Variants in SH3GL2 observed in about 807,000 individuals in gnomAD.
SH3GL2 encodes endophilin-A1.
A neutral mutation model predicts 46.0 loss-of-function variants in SH3GL2; 24 were observed. The observed-to-expected ratio is 0.52, with a 90% CI of 0.38 to 0.73. SH3GL2 has a LOEUF of 0.73. SH3GL2 is among the 30% of genes least tolerant of loss of function. The pLI is 0.00. For missense variants in SH3GL2, 413 were observed against 424.2 expected, an observed-to-expected ratio of 0.97 and a Z score of 0.23; for synonymous variants, 196 against 147.1, an observed-to-expected ratio of 1.33 and a Z score of -2.40.
chr9:17,586,306 C>A (rs1444370288), intron 1 of SH3GL2, among the ~76,000 whole-genome samples: 1 of 152,116 alleles, frequency 6.6e-6, no homozygotes, highest in Admixed American at 6.5e-5. Context: ...CCCACAGCTC[C>A]ATGGAGGTTT....
Position 17,677,300 on chromosome 9 carries a change from T to G in SH3GL2, c.46-69766T>G, listed in dbSNP as rs371488887. Among the ~76,000 whole-genome samples, 29 of 152,330 alleles carry G rather than the reference T, an allele frequency of 1.9e-4. No individual in the cohort carries two copies. The South Asian group carries it at 5.8e-3, about 30-fold the overall frequency. On this transcript the variant is annotated intron_variant, in intron 1 of 8. Transcript: ENST00000380607. ...TATAATCTTGTTTGTGGCTTATCTT[T>G]GACTTTTATACATACTACATAGATT...
intron 6 of SH3GL2, among the ~76,000 whole-genome samples, chr9:17,790,767 AT>A (rs1321556655): frequency 6.6e-6 from 1 of 152,134 alleles, no homozygotes; most frequent in East Asian, 1.9e-4. Flanking sequence ...AGCACAGAAG[AT>A]TTTCTGTCAT....
At chr9:17,581,104 T>C (rs1309807591) in intron 1 of SH3GL2, among the ~76,000 whole-genome samples, 1 of 152,260 alleles carries the variant, frequency 6.6e-6, no homozygotes, top group Non-Finnish European at 1.5e-5. Flanking sequence ...ATTATAGTTA[T>C]TGACATAAAG....
At chr9:17,772,514 C>T (rs1823514133) in intron 3 of SH3GL2, among the ~76,000 whole-genome samples, 1 of 152,170 alleles carries the variant, frequency 6.6e-6, no homozygotes, top group African/African-American at 2.4e-5. Flanking sequence ...CCTACTTCAG[C>T]CGCTGGCTAC....
intron 1 of SH3GL2, among the ~76,000 whole-genome samples, chr9:17,648,692 A>G (rs916858922): frequency 6.6e-6 from 1 of 152,186 alleles, no homozygotes; most frequent in African/African-American, 2.4e-5. Flanking sequence ...GCTTCTTTCT[A>G]ATAGCTGCTT....
At chr9:17,753,975 G>A (rs1305428934) in intron 2 of SH3GL2, among the ~76,000 whole-genome samples, 2 of 152,196 alleles carry the variant, frequency 1.3e-5, no homozygotes, top group African/African-American at 4.8e-5. Context: ...ATTTGTCAAA[G>A]ACCAGATAAC....
chr9:17,587,358 G>A (rs563384669), intron 1 of SH3GL2, among the ~76,000 whole-genome samples: 1 of 152,290 alleles, frequency 6.6e-6, no homozygotes, highest in Non-Finnish European at 1.5e-5. Context: ...GCCAGTAGAG[G>A]AAGTTCCTTG....
intron 1 of SH3GL2, among the ~76,000 whole-genome samples, chr9:17,592,390 CAGTTA>C (rs919156567): frequency 8.5e-5 from 13 of 152,272 alleles, no homozygotes; most frequent in African/African-American, 3.1e-4. Flanking sequence ...TCCCTTAACC[CAGTTA>C]AGTTGACACA....
At chr9:17,724,481 G>A (rs1445582388) in intron 1 of SH3GL2, among the ~76,000 whole-genome samples, 6 of 152,000 alleles carry the variant, frequency 3.9e-5, no homozygotes, top group African/African-American at 1.2e-4. Flanking sequence ...TCCAACATCT[G>A]GGCCCTGAAA....
chr9:17,638,264 G>C (rs1159960696), intron 1 of SH3GL2, among the ~76,000 whole-genome samples: 1 of 152,042 alleles, frequency 6.6e-6, no homozygotes, highest in Non-Finnish European at 1.5e-5. Flanking sequence ...TTTCAAGTCA[G>C]TATCAAAAAA....
At chr9:17,632,017 G>T (rs1819437708) in intron 1 of SH3GL2, among the ~76,000 whole-genome samples, 1 of 152,042 alleles carries the variant, frequency 6.6e-6, no homozygotes, top group African/African-American at 2.4e-5. Flanking sequence ...GCTTTTCAGG[G>T]TTATTTCTGG....
chr9:17,595,888 T>C (rs1818560424), intron 1 of SH3GL2, among the ~76,000 whole-genome samples: 1 of 152,178 alleles, frequency 6.6e-6, no homozygotes, highest in South Asian at 2.1e-4. Context: ...TACAGTAAGA[T>C]TATTTTTTTA....
chr9:17,726,890 C>A (rs10756905), intron 1 of SH3GL2, among the ~76,000 whole-genome samples: 1 of 151,944 alleles, frequency 6.6e-6, no homozygotes, highest in Non-Finnish European at 1.5e-5. Flanking sequence ...GGGAGGAATG[C>A]AGCAGTAACA....
In SH3GL2 at chr9:17,665,442, A is replaced by T. The variant is rs1442460775; in HGVS notation, c.46-81624A>T. ...TGTTTTTGATGAGTACAGGCAAATT[A>T]TTTTGTAGAATGTGTCTTAACAGAT... On this transcript the variant is annotated intron_variant, in intron 1 of 8. Transcript: ENST00000380607. Among the ~76,000 whole-genome samples the T allele has an allele frequency of 2.6e-5, 4 of 152,078 alleles. No homozygotes were observed. In the East Asian group the frequency reaches 7.7e-4, roughly 29 times the overall value.
At chr9:17,665,111 A>C (rs1820311391) in intron 1 of SH3GL2, among the ~76,000 whole-genome samples, 1 of 152,130 alleles carries the variant, frequency 6.6e-6, no homozygotes, top group Non-Finnish European at 1.5e-5. Context: ...CTCGTACACA[A>C]ACTATTTTTT....
At position 17,607,205 on chromosome 9, in the gene SH3GL2, G is replaced by T. The variant is rs532416206; in HGVS notation, c.45+27918G>T. On this transcript the variant is annotated intron_variant, in intron 1 of 8. Transcript: ENST00000380607. ...GAGTGTAATCACACAGACCTAGATG[G>T]TGGAGCCTGCTGCAAACCTAGGCTA... 3.3e-5 allele frequency among the ~76,000 whole-genome samples: 5 copies of T among 152,316 alleles called. No individual in the cohort carries two copies. In the South Asian group the frequency reaches 8.3e-4, roughly 25 times the overall value.
At chr9:17,756,903 T>G (rs1823010466) in intron 2 of SH3GL2, among the ~76,000 whole-genome samples, 1 of 152,228 alleles carries the variant, frequency 6.6e-6, no homozygotes, top group African/African-American at 2.4e-5. Flanking sequence ...ATTGCCACAC[T>G]GTCTTCCACA....
chr9:17,592,320 A>G (rs1295734960), intron 1 of SH3GL2, among the ~76,000 whole-genome samples: 3 of 152,184 alleles, frequency 2.0e-5, no homozygotes, highest in African/African-American at 7.2e-5. Flanking sequence ...TCAGATGCTA[A>G]TGTCTTCTGG....
At chr9:17,759,754 T>G (rs1254675419) in intron 2 of SH3GL2, among the ~76,000 whole-genome samples, 1 of 152,164 alleles carries the variant, frequency 6.6e-6, no homozygotes, top group African/African-American at 2.4e-5. Context: ...CAAACAGCCA[T>G]TGGAAAATTT....
Sources: gnomAD v4.1 joint callset for allele counts (sites outside exome capture counted in the v4.1 genomes callset) on GRCh38, gnomAD v4.1.1 for gene constraint, MANE v1.5 for transcripts, NCBI Gene and HGNC (gene_info 2026-07-23, HGNC 2026-07-21) for gene names.